ASPSCR1: variants seen among roughly 807,000 people sequenced by gnomAD.
ASPSCR1 encodes tether containing UBX domain for GLUT4.
In ASPSCR1, 55 loss-of-function variants were observed where a neutral mutation model predicts 68.9. The ratio of observed to expected loss-of-function variants is 0.80; its 90% confidence interval spans 0.64 to 1.00. The LOEUF (loss-of-function observed/expected upper bound fraction) is 1.00. Among genes scored for constraint, ASPSCR1 ranks in the 50% least tolerant of loss-of-function variants. The pLI, the probability that ASPSCR1 is intolerant of heterozygous loss-of-function variation, is 0.00. For missense variants in ASPSCR1, 765 were observed against 762.2 expected (o/e 1.00, Z -0.04); for synonymous variants, 352 against 332.6 (o/e 1.06, Z -0.63).
intron 4 of ASPSCR1, among the ~76,000 whole-genome samples, chr17:81,991,719 G>A (rs1194447337): frequency 6.6e-6 from 1 of 152,250 alleles, no homozygotes; most frequent in Admixed American, 6.5e-5. Context: ...GCTGTCATGT[G>A]GTGGGTGATG....
At chr17:81,996,951 C>T (rs1231627908) in intron 7 of ASPSCR1, 105 bp downstream of exon 7, 1 of 1,506,356 alleles carries the variant, frequency 6.6e-7, no homozygotes, top group African/African-American at 1.4e-5. Flanking sequence ...GTGATGCGGG[C>T]AGAGGAACCC....
At chr17:81,991,380 G>A (rs1425828768) in intron 4 of ASPSCR1, among the ~76,000 whole-genome samples, 1 of 152,190 alleles carries the variant, frequency 6.6e-6, no homozygotes, top group African/African-American at 2.4e-5. Flanking sequence ...AGGTAAAGCC[G>A]TGGCTCCGGG....
chr17:81,988,472 CAA>C (rs1396323245), intron 4 of ASPSCR1, among the ~76,000 whole-genome samples: 65 of 146,816 alleles, frequency 4.4e-4, no homozygotes, highest in African/African-American at 1.3e-3. Context: ...AAAAAAAAAA[CAA>C]GAGCAAGTGG....
At chr17:82,007,648 T>G (rs1254894657) in intron 7 of ASPSCR1, 2 of 152,262 alleles carry the variant, frequency 1.3e-5, no homozygotes, top group African/African-American at 4.8e-5. Flanking sequence ...ACAGTGTGGC[T>G]TCTGGGGGCT....
chr17:81,978,362 A>AC (rs2041680951), intron 1 of ASPSCR1: 1 of 152,142 alleles, frequency 6.6e-6, no homozygotes, highest in South Asian at 2.1e-4. Flanking sequence ...CTGTACTAAA[A>AC]AAATACAAAA....
intron 4 of ASPSCR1, among the ~76,000 whole-genome samples, chr17:81,991,889 C>CA (rs775586464): frequency 2.2e-4 from 34 of 152,268 alleles, no homozygotes; most frequent in Non-Finnish European, 4.0e-4. Context: ...GCTCTAGACT[C>CA]ACTGCCTTGT....
intron 4 of ASPSCR1, among the ~76,000 whole-genome samples, chr17:81,994,461 C>T (rs545423132): frequency 4.6e-5 from 7 of 152,338 alleles, no homozygotes; most frequent in East Asian, 1.9e-4. Context: ...TACAGGTGTC[C>T]GTGAGCCGCA....
rs369914067 is a variant in ASPSCR1, at chr17:82,009,123, G to A, written c.1020G>A (p.Leu340=). ...EERLQAWPAE[L]PDEFFELTVD... ...GGCTGCAGGCCTGGCCAGCGGAGCTGCCTGATGAGTTCTTTGAGCTGACGG... is the reference window on the plus strand; with the variant it reads ...GGCTGCAGGCCTGGCCAGCGGAGCTACCTGATGAGTTCTTTGAGCTGACGG... The change falls in exon 8 of 16, where the codon CTG becomes CTA. Residue 340 remains leucine, a synonymous_variant. Coordinates refer to ENST00000306739, the MANE Select transcript of ASPSCR1 (RefSeq NM_024083.4). 1.9e-6 allele frequency: 3 copies of A among 1,606,060 alleles called. No homozygotes were observed. The highest frequency in any genetic ancestry group is 1.7e-6 in the Non-Finnish European group (2 of 1,176,884).
At chr17:81,978,916 C>T (rs1331456048) in intron 1 of ASPSCR1, 2 of 547,628 alleles carry the variant, frequency 3.7e-6, no homozygotes, top group Non-Finnish European at 6.6e-6. Context: ...AGGAAGATGC[C>T]CGTGTTGCTG....
At chr17:82,009,646 G>A (rs943927490) in intron 9 of ASPSCR1, 79 bp downstream of exon 9, 5 of 1,198,636 alleles carry the variant, frequency 4.2e-6, no homozygotes, top group African/African-American at 3.1e-5. Context: ...GGGATGGGGC[G>A]ACTGAGGCAC....
At chr17:82,009,799 C>A in intron 9 of ASPSCR1, 1 of 438,814 alleles carries the variant, frequency 2.3e-6, no homozygotes. Flanking sequence ...CCTGTGAGGT[C>A]TGTGGATGGG....
rs377408497 is a variant in ASPSCR1, at chr17:81,999,693, G to A, written c.933+2847G>A. On this transcript the variant is annotated intron_variant, in intron 7 of 15. Transcript: ENST00000306739. This position sits in a 1 kb window ranked among gnomAD's most constrained non-coding sequence, Gnocchi z 4.4. ...GCTCTGTGCACATGGCCCCGGCCTC[G>A]GCTGTCCCCTGGGCACTCGTGCTAC... Among the ~76,000 whole-genome samples the A allele has an allele frequency of 7.3e-5, 11 of 151,648 alleles. No individual in the cohort carries two copies. The highest frequency in any genetic ancestry group is 1.3e-4 in the Non-Finnish European group (9 of 67,954).
rs2042917717 is a variant in ASPSCR1 at position 82,010,940 on chromosome 17, C to T, written c.1237+72C>T. On this transcript the variant is annotated intron_variant, in intron 10 of 15. Transcript: ENST00000306739. Reference sequence around the variant, plus strand: ...GGGGCCTCTCCCGGCTCCTTCCTTCCAGGCCACAGGACTGCAGCCACCTGG... The same window carrying T: ...GGGGCCTCTCCCGGCTCCTTCCTTCTAGGCCACAGGACTGCAGCCACCTGG... 8 of 1,550,566 alleles carry T rather than the reference C, an allele frequency of 5.2e-6. No individual in the cohort carries two copies. In the South Asian group the frequency reaches 8.9e-5, roughly 17 times the overall value.
Position 81,983,746 on chromosome 17 carries a change from TG to T in ASPSCR1, c.273+84del. On this transcript the variant is annotated intron_variant, in intron 3 of 15. Coordinates refer to ENST00000306739, the MANE Select transcript of ASPSCR1 (RefSeq NM_024083.4). This position sits in a 1 kb window ranked among gnomAD's most constrained non-coding sequence, Gnocchi z 4.4. ...TGGCCAGGGACGGGGGACGGGACAG[TG>T]GGGGGTGCTGGGGAAGGAGGGACAT... 3.5e-6 allele frequency: 4 copies of T among 1,132,524 alleles called. No homozygotes were observed. The highest frequency in any genetic ancestry group is 1.3e-5 in the South Asian group (1 of 75,544). 70.2% of individuals were successfully genotyped at this position (1,132,524 alleles called of 1,614,324 possible). A position where few individuals can be genotyped will look rare whatever the true frequency, so the allele number is the denominator to read the frequency against.
intron 12 of ASPSCR1, among the ~76,000 whole-genome samples, chr17:82,012,594 C>G (rs1434847773): frequency 6.6e-6 from 1 of 152,138 alleles, no homozygotes; most frequent in Non-Finnish European, 1.5e-5. Context: ...CGGCAGCAGT[C>G]CCTGCCCAGG....
intron 7 of ASPSCR1, chr17:82,004,297 C>G (rs1190966613): frequency 1.3e-5 from 2 of 152,406 alleles, no homozygotes. Context: ...GCGTCCCTGT[C>G]CTTAGTCCTG....
chr17:82,013,678 G>A (rs1404154782), intron 12 of ASPSCR1: 1 of 152,408 alleles, frequency 6.6e-6, no homozygotes, highest in Non-Finnish European at 1.5e-5. Context: ...GCGTGGGTGT[G>A]GGGGCTCCGG....
chr17:81,995,221 A>C, intron 5 of ASPSCR1: 3 of 434,300 alleles, frequency 6.9e-6, no homozygotes, highest in Non-Finnish European at 8.1e-6. Context: ...GGACCCTCCT[A>C]GCGCTCGTCC....
chr17:82,000,009 C>T (rs1027171712), intron 7 of ASPSCR1, among the ~76,000 whole-genome samples: 1 of 152,222 alleles, frequency 6.6e-6, no homozygotes, highest in African/African-American at 2.4e-5. Context: ...GTTGGCACCC[C>T]ATCCTCCCTC....
Sources: allele counts gnomAD v4.1 joint callset (sites outside exome capture counted in the v4.1 genomes callset), GRCh38; gene constraint gnomAD v4.1.1; non-coding constraint Gnocchi (gnomAD v3.1); transcripts MANE v1.5; gene names NCBI Gene and HGNC (gene_info 2026-07-23, HGNC 2026-07-21).